The following SRF variants were observed in gnomAD, a reference collection of about 807,000 sequenced individuals.
The protein encoded by SRF is serum response factor.
A neutral mutation model predicts 37.1 loss-of-function variants in SRF; 7 were observed. The observed-to-expected ratio is 0.19, with a 90% CI of 0.11 to 0.35. The LOEUF is 0.35. SRF is among the 10% of genes least tolerant of loss of function. The pLI, the probability that SRF is intolerant of heterozygous loss-of-function variation, is 1.00. For synonymous variants in SRF, 285 were observed against 310.1 expected (o/e 0.92, Z 0.85); for missense variants, 395 against 694.4 (o/e 0.57, Z 4.85).
rs911873747 is a variant in SRF, at chr6:43,178,573, A to T, written c.1354+88A>T. 96 of 1,459,800 alleles carry T rather than the reference A, an allele frequency of 6.6e-5. No individual in the cohort carries two copies. The highest frequency in any genetic ancestry group is 8.5e-5 in the Non-Finnish European group (91 of 1,066,894). The allele number at this position is 1,459,800 out of a possible 1,614,324, so 90.4% of individuals were successfully genotyped here. ...CACACATACACACACATATGCACTG[A>T]TGCCTACAAATATTTCTACCCAAAT... On this transcript the variant is annotated intron_variant, in intron 5 of 6. Coordinates refer to ENST00000265354, the MANE Select transcript of SRF (RefSeq NM_003131.4). This position sits in a 1 kb window ranked among gnomAD's most constrained non-coding sequence, Gnocchi z 4.3.
Position 43,179,183 on chromosome 6 carries a change from G to A in SRF, c.1520G>A (p.Ser507Asn). The A allele has an allele frequency of 6.2e-7, 1 of 1,614,256 alleles. No individual in the cohort carries two copies. The highest frequency in any genetic ancestry group is 8.5e-7 in the Non-Finnish European group (1 of 1,180,036). ...CTGGACACCGCCCACAGCACCAAGA[G>A]TGAATGATCCGCCCGCCGCCCTGGA... ...VNLDTAHSTK[S>N]E Residue 507 changes from serine (S) to asparagine (N), a missense_variant, in exon 7 of 7, where the codon AGT (serine) becomes AAT (asparagine). Coordinates refer to ENST00000265354, the MANE Select transcript of SRF (RefSeq NM_003131.4). The surrounding 1 kb of genome is among the most constrained non-coding windows in gnomAD (Gnocchi z 5.3).
Position 43,172,337 on chromosome 6 carries a change from G to C in SRF, c.513+168G>C. On this transcript the variant is annotated intron_variant, in intron 1 of 6. Transcript: ENST00000265354. The surrounding 1 kb of genome is among the most constrained non-coding windows in gnomAD (Gnocchi z 5.7). ...CGGGGAGGGCCGAAGGGGAGGGGCC[G>C]CCGGGGAAATGTGGGGAGAGGGGAG... 2 of 985,096 alleles carry C rather than the reference G, an allele frequency of 2.0e-6. No individual in the cohort carries two copies. Among genetic ancestry groups the C allele is most frequent in the Non-Finnish European group, 2.4e-6 (2 of 829,686 alleles). 61.0% of individuals were successfully genotyped at this position (985,096 alleles called of 1,614,324 possible).
chr6:43,179,784 G>GC lies in SRF; in HGVS notation c.*595dup, dbSNP rs1554164649. On this transcript the variant is annotated 3_prime_UTR_variant, in exon 7 of 7. Coordinates refer to ENST00000265354, the MANE Select transcript of SRF (RefSeq NM_003131.4). The surrounding 1 kb of genome is among the most constrained non-coding windows in gnomAD (Gnocchi z 5.3). ...CTGGGGCCGCCTGCCCTGCCTTGCC[G>GC]CTCCCCTTGGACCTCCAGGGGCTCC... is the stretch of plus-strand genomic sequence containing the variant. The GC allele has an allele frequency of 6.5e-6, 1 of 154,644 alleles. No homozygotes were observed. Among genetic ancestry groups the GC allele is most frequent in the Non-Finnish European group, 1.4e-5 (1 of 69,368 alleles). The allele number at this position is 154,644 out of a possible 1,614,324, so 9.6% of individuals were successfully genotyped here. A position where few individuals can be genotyped will look rare whatever the true frequency, so the allele number is the denominator to read the frequency against.
chr6:43,177,151 G>A (rs565089041), intron 4 of SRF, among the ~76,000 whole-genome samples: 1 of 151,682 alleles, frequency 6.6e-6, no homozygotes, highest in South Asian at 2.1e-4. Flanking sequence ...TATGGACTGG[G>A]AACACCAGCA....
At position 43,172,450 on chromosome 6, in the gene SRF, G is replaced by C; in HGVS notation, c.513+281G>C. Reference sequence around the variant, plus strand: ...GGAAGAGGGCCCTTGCTGAGTGAAGGGGTGAGGAGCGGTGATGGGAGGCTA... The same window carrying C: ...GGAAGAGGGCCCTTGCTGAGTGAAGCGGTGAGGAGCGGTGATGGGAGGCTA... On this transcript the variant is annotated intron_variant, in intron 1 of 6. Transcript: ENST00000265354. The surrounding 1 kb of genome is among the most constrained non-coding windows in gnomAD (Gnocchi z 5.7). 1 of 985,442 alleles carries C rather than the reference G, an allele frequency of 1.0e-6. No homozygotes were observed. The highest frequency in any genetic ancestry group is 1.2e-6 in the Non-Finnish European group (1 of 829,934). The allele number at this position is 985,442 out of a possible 1,614,324, so 61.0% of individuals were successfully genotyped here. A position where few individuals can be genotyped will look rare whatever the true frequency, so the allele number is the denominator to read the frequency against.
In SRF at chr6:43,173,558, C is replaced by G. The variant is rs575556882; in HGVS notation, c.514-289C>G. 9.9e-5 allele frequency among the ~76,000 whole-genome samples: 15 copies of G among 152,248 alleles called. No homozygotes were observed. The highest frequency in any genetic ancestry group is 3.6e-4 in the African/African-American group (15 of 41,546). ...GGCACTAAGCTGTGTTGGGGAGCAG[C>G]TAGCTGGGTCCTTCGTATCCCCTGA... is the stretch of plus-strand genomic sequence containing the variant. On this transcript the variant is annotated intron_variant, in intron 1 of 6. Coordinates refer to ENST00000265354, the MANE Select transcript of SRF (RefSeq NM_003131.4). The surrounding 1 kb of genome is among the most constrained non-coding windows in gnomAD (Gnocchi z 4.2).
chr6:43,175,481 A>G (rs1342151454), intron 2 of SRF, among the ~76,000 whole-genome samples: 4 of 152,198 alleles, frequency 2.6e-5, no homozygotes, highest in Non-Finnish European at 4.4e-5. Context: ...AACCTACTTA[A>G]TCCTTACAGC....
In SRF at chr6:43,178,554, T is replaced by C. The variant is rs574138642; in HGVS notation, c.1354+69T>C. On this transcript the variant is annotated intron_variant, in intron 5 of 6. Coordinates refer to ENST00000265354, the MANE Select transcript of SRF (RefSeq NM_003131.4). This position sits in a 1 kb window ranked among gnomAD's most constrained non-coding sequence, Gnocchi z 4.3. ...CTTTATACACACACACACACACACA[T>C]ACACACACATATGCACTGATGCCTA... 172 of 1,272,312 alleles carry C rather than the reference T, an allele frequency of 1.4e-4. No homozygotes were observed. The highest frequency in any genetic ancestry group is 2.4e-4 in the Middle Eastern group (1 of 4,230). The allele number at this position is 1,272,312 out of a possible 1,614,324, so 78.8% of individuals were successfully genotyped here. A position where few individuals can be genotyped will look rare whatever the true frequency, so the allele number is the denominator to read the frequency against.
Position 43,172,779 on chromosome 6 carries a change from C to A in SRF, c.513+610C>A, listed in dbSNP as rs1292717364. ...GGCCGTGAGTCTTCCATGGCATCCA[C>A]TGGGAACCACATGCTCCTGGCAGGA... On this transcript the variant is annotated intron_variant, in intron 1 of 6. Coordinates refer to ENST00000265354, the MANE Select transcript of SRF (RefSeq NM_003131.4). The surrounding 1 kb of genome is among the most constrained non-coding windows in gnomAD (Gnocchi z 5.7). Among the ~76,000 whole-genome samples, 2 of 152,158 alleles carry A rather than the reference C, an allele frequency of 1.3e-5. No homozygotes were observed. The highest frequency in any genetic ancestry group is 3.9e-4 in the East Asian group (2 of 5,192).
At chr6:43,175,196 T>C (rs536487430) in intron 2 of SRF, among the ~76,000 whole-genome samples, 1 of 152,204 alleles carries the variant, frequency 6.6e-6, no homozygotes, top group East Asian at 1.9e-4. Context: ...AAAGAAAACG[T>C]AGTAGCCCAG....
chr6:43,176,579 G>A lies in SRF; in HGVS notation c.1074G>A (p.Gln358=), dbSNP rs1350564830. The part of the protein sequence containing the change: ...GGAVAQQVPV[Q]AIQVHQAPQQ... ...CAGTGGCCCAGCAGGTCCCAGTGCA[G>A]GCCATTCAAGTGCACCAGGCCCCAC... The change falls in exon 4 of 7, where the codon CAG becomes CAA. Residue 358 remains glutamine, a synonymous_variant. Coordinates refer to ENST00000265354, the MANE Select transcript of SRF (RefSeq NM_003131.4). The surrounding 1 kb of genome is among the most constrained non-coding windows in gnomAD (Gnocchi z 4.0). The A allele has an allele frequency of 6.2e-7, 1 of 1,614,194 alleles. No individual in the cohort carries two copies. The highest frequency in any genetic ancestry group is 8.5e-7 in the Non-Finnish European group (1 of 1,180,020).
chr6:43,178,592 C>G lies in SRF; in HGVS notation c.1354+107C>G. 7.1e-7 allele frequency: 1 copy of G among 1,415,844 alleles called. No homozygotes were observed. The highest frequency in any genetic ancestry group is 2.3e-5 in the East Asian group (1 of 42,854). 87.7% of individuals were successfully genotyped at this position (1,415,844 alleles called of 1,614,324 possible). A position where few individuals can be genotyped will look rare whatever the true frequency, so the allele number is the denominator to read the frequency against. On this transcript the variant is annotated intron_variant, in intron 5 of 6. Transcript: ENST00000265354. The surrounding 1 kb of genome is among the most constrained non-coding windows in gnomAD (Gnocchi z 4.3). ...GCACTGATGCCTACAAATATTTCTA[C>G]CCAAATACAACACAGACTTGGATGC...
rs1410122898 is a variant in SRF, at chr6:43,178,623, C to T, written c.1354+138C>T. On this transcript the variant is annotated intron_variant, in intron 5 of 6. Transcript: ENST00000265354. The surrounding 1 kb of genome is among the most constrained non-coding windows in gnomAD (Gnocchi z 4.3). ...TACAACACAGACTTGGATGCTCACA[C>T]ACACATTTGGACACCCCACTTGGAC... 2 of 1,326,738 alleles carry T rather than the reference C, an allele frequency of 1.5e-6. No individual in the cohort carries two copies. The highest frequency in any genetic ancestry group is 1.4e-5 in the African/African-American group (1 of 69,332). The allele number at this position is 1,326,738 out of a possible 1,614,324, so 82.2% of individuals were successfully genotyped here. A position where few individuals can be genotyped will look rare whatever the true frequency, so the allele number is the denominator to read the frequency against.
In SRF at chr6:43,176,934, A is replaced by G. The variant is rs1772208241; in HGVS notation, c.1162+267A>G. Among the ~76,000 whole-genome samples the G allele has an allele frequency of 6.6e-6, 1 of 152,170 alleles. No individual in the cohort carries two copies. The highest frequency in any genetic ancestry group is 1.5e-5 in the Non-Finnish European group (1 of 68,034). On this transcript the variant is annotated intron_variant, in intron 4 of 6. Coordinates refer to ENST00000265354, the MANE Select transcript of SRF (RefSeq NM_003131.4). The surrounding 1 kb of genome is among the most constrained non-coding windows in gnomAD (Gnocchi z 4.0). ...ATGAGGAGCCTGAGGCCTAGAAATA[A>G]GAAGTTACTTGCTCAAAGACACATT...
Position 43,176,784 on chromosome 6 carries a change from T to G in SRF, c.1162+117T>G. The G allele has an allele frequency of 2.1e-6, 3 of 1,451,414 alleles. No homozygotes were observed. Among genetic ancestry groups the G allele is most frequent in the Non-Finnish European group, 1.9e-6 (2 of 1,068,832 alleles). 89.9% of individuals were successfully genotyped at this position (1,451,414 alleles called of 1,614,324 possible). Reference sequence around the variant, plus strand: ...TCAGGGGATTTCTTAAAGTGGAGATTGAGGCTTTGGGCCTAATAATTATGG... The same window carrying G: ...TCAGGGGATTTCTTAAAGTGGAGATGGAGGCTTTGGGCCTAATAATTATGG... On this transcript the variant is annotated intron_variant, in intron 4 of 6. Transcript: ENST00000265354. The surrounding 1 kb of genome is among the most constrained non-coding windows in gnomAD (Gnocchi z 4.0).
At position 43,173,254 on chromosome 6, in the gene SRF, G is replaced by A. The variant is rs1217173347; in HGVS notation, c.514-593G>A. ...TTGTCACTTGATCATCAGTGGAGAA[G>A]ATTGTGGGGGGAGGTAATTAAGGAA... On this transcript the variant is annotated intron_variant, in intron 1 of 6. Transcript: ENST00000265354. The surrounding 1 kb of genome is among the most constrained non-coding windows in gnomAD (Gnocchi z 4.2). Among the ~76,000 whole-genome samples the A allele has an allele frequency of 1.3e-5, 2 of 152,138 alleles. No homozygotes were observed. Among genetic ancestry groups the A allele is most frequent in the Non-Finnish European group, 2.9e-5 (2 of 68,034 alleles).
In SRF at chr6:43,171,977, C is replaced by G; in HGVS notation, c.321C>G (p.Ile107Met). The G allele has an allele frequency of 1.3e-6, 2 of 1,542,454 alleles. No homozygotes were observed. Among genetic ancestry groups the G allele is most frequent in the Non-Finnish European group, 1.7e-6 (2 of 1,145,348 alleles). Residue 107 changes from isoleucine to methionine, a missense_variant, in exon 1 of 7, where the codon ATC (isoleucine) becomes ATG (methionine). Around this residue, in one of 4 missense-constraint regions of SRF, gnomAD observed 134 missense variants for 204.5 expected, o/e 0.66. Coordinates refer to ENST00000265354, the MANE Select transcript of SRF (RefSeq NM_003131.4). The surrounding 1 kb of genome is among the most constrained non-coding windows in gnomAD (Gnocchi z 6.5). ...AGCGGAGCCTGAGCGAGATGGAGAT[C>G]GGTATGGTGGTCGGTGGGCCCGAGG... ...GLKRSLSEME[I>M]GMVVGGPEAS...
chr6:43,171,725 C>T lies in SRF; in HGVS notation c.69C>T (p.Asn23=). ...GCTCGGCCCTGGGGGGCAGCCTGAA[C>T]CGGACCCCGACGGGGCGGCCGGGCG... ...GRGSALGGSL[N]RTPTGRPGGG... The change falls in exon 1 of 7, where the codon AAC becomes AAT. Residue 23 remains asparagine (N), a synonymous_variant. Coordinates refer to ENST00000265354, the MANE Select transcript of SRF (RefSeq NM_003131.4). The surrounding 1 kb of genome is among the most constrained non-coding windows in gnomAD (Gnocchi z 6.5). 8.3e-7 allele frequency: 1 copy of T among 1,204,238 alleles called. No individual in the cohort carries two copies. Among genetic ancestry groups the T allele is most frequent in the Middle Eastern group, 2.4e-4 (1 of 4,126 alleles). The allele number at this position is 1,204,238 out of a possible 1,614,324, so 74.6% of individuals were successfully genotyped here.
chr6:43,177,269 G>A (rs146543379), intron 4 of SRF, among the ~76,000 whole-genome samples: 2,731 of 130,772 alleles, frequency 0.021, 94 homozygotes, highest in African/African-American at 0.082. Flanking sequence ...GCTCTCTGTC[G>A]CCCAGGCTGG....
Sources: allele counts gnomAD v4.1 joint callset (sites outside exome capture counted in the v4.1 genomes callset), GRCh38; gene constraint gnomAD v4.1.1; regional missense constraint gnomAD v4.1.1; non-coding constraint Gnocchi (gnomAD v3.1); transcripts MANE v1.5; gene names NCBI Gene and HGNC (gene_info 2026-07-23, HGNC 2026-07-21).